The following ADAMTS2 variants were observed in gnomAD, a reference collection of about 807,000 sequenced individuals.
ADAMTS2 encodes the protein ADAM metallopeptidase with thrombospondin type 1 motif 2.
Under a neutral mutation model 123.0 loss-of-function variants are expected in ADAMTS2, and 50 were observed. The observed-to-expected ratio is 0.41, with a 90% CI of 0.32 to 0.51. ADAMTS2 has a LOEUF of 0.51. ADAMTS2 is among the 20% of genes least tolerant of loss of function. The pLI, the probability that ADAMTS2 is intolerant of heterozygous loss-of-function variation, is 0.35. For synonymous variants in ADAMTS2, 678 were observed against 695.4 expected, an observed-to-expected ratio of 0.98 and a Z score of 0.39; for missense variants, 1,494 against 1,705.2, an observed-to-expected ratio of 0.88 and a Z score of 2.18.
At chr5:179,210,003 G>A (rs1158607820) in intron 3 of ADAMTS2, among the ~76,000 whole-genome samples, 1 of 152,216 alleles carries the variant, frequency 6.6e-6, no homozygotes, top group Admixed American at 6.5e-5. Context: ...CACTCGTTGA[G>A]GTCACGTGGT....
At position 179,308,909 on chromosome 5, in the gene ADAMTS2, C is replaced by T. The variant is rs542106880; in HGVS notation, c.534+34858G>A. Among the ~76,000 whole-genome samples the T allele has an allele frequency of 1.2e-4, 18 of 152,326 alleles. No individual in the cohort carries two copies. The highest frequency in any genetic ancestry group is 9.1e-4 in the Admixed American group (14 of 15,314). On this transcript the variant is annotated intron_variant, in intron 2 of 21. Transcript: ENST00000251582. The surrounding 1 kb of genome is among the most constrained non-coding windows in gnomAD (Gnocchi z 6.6). ...GCCTTTAGCATCCCCCTCAGCTGCC[C>T]ATTCATTCAGCCATTCTTCTAGGAG...
At chr5:179,230,887 T>G (rs1765396940) in intron 3 of ADAMTS2, among the ~76,000 whole-genome samples, 1 of 151,834 alleles carries the variant, frequency 6.6e-6, no homozygotes, top group East Asian at 1.9e-4. Flanking sequence ...GGTGGGCGCC[T>G]GTAATTGCAG....
intron 4 of ADAMTS2, among the ~76,000 whole-genome samples, chr5:179,195,622 C>A (rs57748034): frequency 6.6e-6 from 1 of 152,226 alleles, no homozygotes; most frequent in African/African-American, 2.4e-5. Flanking sequence ...TCCGGTCGCC[C>A]GAGTCCCCAC....
At position 179,117,606 on chromosome 5, in the gene ADAMTS2, G is replaced by A. The variant is rs896865457; in HGVS notation, c.3179-3282C>T. 4.6e-5 allele frequency among the ~76,000 whole-genome samples: 7 copies of A among 150,694 alleles called. No homozygotes were observed. The highest frequency in any genetic ancestry group is 1.7e-4 in the African/African-American group (7 of 40,810). Reference sequence around the variant, plus strand: ...CTTGCTCTGTCGCCCAGGCTGGAGTGCAGTGGCGTGATCTTGGCTCACTGC... The same window carrying A: ...CTTGCTCTGTCGCCCAGGCTGGAGTACAGTGGCGTGATCTTGGCTCACTGC... On this transcript the variant is annotated intron_variant, in intron 21 of 21. Coordinates refer to ENST00000251582, the MANE Select transcript of ADAMTS2 (RefSeq NM_014244.5). This position sits in a 1 kb window ranked among gnomAD's most constrained non-coding sequence, Gnocchi z 4.2.
In ADAMTS2 at chr5:179,180,595, C is replaced by T. The variant is rs1764022366; in HGVS notation, c.975+477G>A. Reference sequence around the variant, plus strand: ...CCCAGCCACCTCCTTTATCAGACTTCACACTCTGAGCCACTATCCCCCTGC... The same window carrying T: ...CCCAGCCACCTCCTTTATCAGACTTTACACTCTGAGCCACTATCCCCCTGC... On this transcript the variant is annotated intron_variant, in intron 5 of 21. Coordinates refer to ENST00000251582, the MANE Select transcript of ADAMTS2 (RefSeq NM_014244.5). The surrounding 1 kb of genome is among the most constrained non-coding windows in gnomAD (Gnocchi z 4.6). 6.6e-6 allele frequency among the ~76,000 whole-genome samples: 1 copy of T among 152,148 alleles called. No individual in the cohort carries two copies. The highest frequency in any genetic ancestry group is 2.1e-4 in the South Asian group (1 of 4,828).
intron 5 of ADAMTS2, among the ~76,000 whole-genome samples, chr5:179,159,936 C>A (rs1763563224): frequency 6.6e-6 from 1 of 152,176 alleles, no homozygotes; most frequent in African/African-American, 2.4e-5. Context: ...ATCCTCACAG[C>A]AGGCATTTTG....
rs184628906 is a variant in ADAMTS2, at chr5:179,329,137, C to T, written c.534+14630G>A. On this transcript the variant is annotated intron_variant, in intron 2 of 21. Transcript: ENST00000251582. Reference sequence around the variant, plus strand: ...GGTCAGGAGATGGAGACCATCCTGGCTAACACGGTGAAACCCCGTCTCTAC... The same window carrying T: ...GGTCAGGAGATGGAGACCATCCTGGTTAACACGGTGAAACCCCGTCTCTAC... Among the ~76,000 whole-genome samples, 157 of 152,044 alleles carry T rather than the reference C, an allele frequency of 1.0e-3. 1 individual carries two copies. The highest frequency in any genetic ancestry group is 7.0e-4 in the African/African-American group (29 of 41,412).
intron 9 of ADAMTS2, among the ~76,000 whole-genome samples, chr5:179,153,271 G>A (rs374721702): frequency 2.8e-4 from 42 of 152,084 alleles, no homozygotes; most frequent in African/African-American, 9.9e-4. Context: ...CCTGTCCCCC[G>A]TGTGCTTCCT....
intron 3 of ADAMTS2, among the ~76,000 whole-genome samples, chr5:179,221,823 C>T (rs1402491644): frequency 6.6e-6 from 1 of 152,180 alleles, no homozygotes; most frequent in Non-Finnish European, 1.5e-5. Flanking sequence ...CAGGGACCTC[C>T]CTTTCCCCTC....
At chr5:179,184,218 G>T (rs897764439) in intron 4 of ADAMTS2, among the ~76,000 whole-genome samples, 2 of 152,086 alleles carry the variant, frequency 1.3e-5, no homozygotes, top group Admixed American at 6.5e-5. Context: ...ATATAGGAAC[G>T]AAAGAAAGCC....
At chr5:179,236,683 C>A (rs769930246) in intron 3 of ADAMTS2, among the ~76,000 whole-genome samples, 1 of 152,080 alleles carries the variant, frequency 6.6e-6, no homozygotes, top group Non-Finnish European at 1.5e-5. Flanking sequence ...CCCAGCTACT[C>A]GGGAGGCTGA....
intron 3 of ADAMTS2, among the ~76,000 whole-genome samples, chr5:179,266,928 C>CA (rs1439363071): frequency 6.6e-6 from 1 of 152,222 alleles, no homozygotes; most frequent in East Asian, 1.9e-4. Flanking sequence ...CAGCCTCCCC[C>CA]ACCAGCCTCC....
At position 179,162,068 on chromosome 5, in the gene ADAMTS2, C is replaced by T. The variant is rs1015083384; in HGVS notation, c.976-3189G>A. ...AAGGGGCCTTGCTTCCTCCAGGGCA[C>T]GTCTCCCAGCATCAGTGTCAAGGGA... On this transcript the variant is annotated intron_variant, in intron 5 of 21. Coordinates refer to ENST00000251582, the MANE Select transcript of ADAMTS2 (RefSeq NM_014244.5). The surrounding 1 kb of genome is among the most constrained non-coding windows in gnomAD (Gnocchi z 5.1). Among the ~76,000 whole-genome samples the T allele has an allele frequency of 2.6e-5, 4 of 152,242 alleles. No individual in the cohort carries two copies. Among genetic ancestry groups the T allele is most frequent in the East Asian group, 1.9e-4 (1 of 5,168 alleles).
chr5:179,244,614 T>C (rs548823997), intron 3 of ADAMTS2, among the ~76,000 whole-genome samples: 2 of 152,360 alleles, frequency 1.3e-5, no homozygotes, highest in South Asian at 2.1e-4. Flanking sequence ...ACAATATAAA[T>C]GGGTATTTCT....
In ADAMTS2 at chr5:179,308,256, A is replaced by T. The variant is rs1226345827; in HGVS notation, c.535-35192T>A. On this transcript the variant is annotated intron_variant, in intron 2 of 21. Transcript: ENST00000251582. This position sits in a 1 kb window ranked among gnomAD's most constrained non-coding sequence, Gnocchi z 6.6. ...GAAGACAGGCGCTGAGAGTTGTCTG[A>T]CACAATTGTCTTAGCAGCAGGAGAC... Among the ~76,000 whole-genome samples, 1 of 152,192 alleles carries T rather than the reference A, an allele frequency of 6.6e-6. No homozygotes were observed. The highest frequency in any genetic ancestry group is 1.5e-5 in the Non-Finnish European group (1 of 68,032).
At chr5:179,325,006 C>T (rs1372018918) in intron 2 of ADAMTS2, among the ~76,000 whole-genome samples, 2 of 152,228 alleles carry the variant, frequency 1.3e-5, no homozygotes, top group Non-Finnish European at 2.9e-5. Flanking sequence ...CCCGATCACA[C>T]CCCGACACAC....
At chr5:179,186,339 C>T (rs1416256030) in intron 4 of ADAMTS2, among the ~76,000 whole-genome samples, 1 of 152,202 alleles carries the variant, frequency 6.6e-6, no homozygotes, top group Non-Finnish European at 1.5e-5. Context: ...CGGGCTCCTT[C>T]TGCTGTCCAG....
In ADAMTS2 at chr5:179,260,058, C is replaced by T. The variant is rs546673284; in HGVS notation, c.688+12853G>A. Among the ~76,000 whole-genome samples the T allele has an allele frequency of 2.2e-4, 33 of 152,296 alleles. No individual in the cohort carries two copies. The highest frequency in any genetic ancestry group is 6.3e-4 in the African/African-American group (26 of 41,570). ...GGGCCCTGCCGGATGGGTCACAAGC[C>T]GGCGAAGTCAGTCCTGCTCAAGTGT... On this transcript the variant is annotated intron_variant, in intron 3 of 21. Coordinates refer to ENST00000251582, the MANE Select transcript of ADAMTS2 (RefSeq NM_014244.5). The surrounding 1 kb of genome is among the most constrained non-coding windows in gnomAD (Gnocchi z 4.2).
In ADAMTS2 at chr5:179,185,259, T is replaced by C. The variant is rs941225067; in HGVS notation, c.892-4104A>G. On this transcript the variant is annotated intron_variant, in intron 4 of 21. Transcript: ENST00000251582. This position sits in a 1 kb window ranked among gnomAD's most constrained non-coding sequence, Gnocchi z 5.9. ...CTCCAGGTGCCTTACGGAAAGTAGATGGAAGGGGTCAAGATGTGGGAATGT... is the reference window on the plus strand; with the variant it reads ...CTCCAGGTGCCTTACGGAAAGTAGACGGAAGGGGTCAAGATGTGGGAATGT... Among the ~76,000 whole-genome samples, 5 of 152,050 alleles carry C rather than the reference T, an allele frequency of 3.3e-5. No homozygotes were observed. The highest frequency in any genetic ancestry group is 1.2e-4 in the African/African-American group (5 of 41,394).
Sources: gnomAD v4.1 joint callset for allele counts (sites outside exome capture counted in the v4.1 genomes callset) on GRCh38, gnomAD v4.1.1 for gene constraint, Gnocchi (gnomAD v3.1) non-coding constraint, MANE v1.5 for transcripts, NCBI Gene and HGNC (gene_info 2026-07-23, HGNC 2026-07-21) for gene names.